KLF12: variants seen among roughly 807,000 people sequenced by gnomAD.
KLF12 encodes the protein KLF transcription factor 12.
Under a neutral mutation model 37.8 loss-of-function variants are expected in KLF12, and 9 were observed. The observed-to-expected ratio is 0.24, with a 90% CI of 0.14 to 0.42. The LOEUF (loss-of-function observed/expected upper bound fraction) is 0.42, where lower values mean the gene tolerates loss of function less well. KLF12 is among the 10% of genes least tolerant of loss of function. The probability of loss-of-function intolerance (pLI) is 1.00; values close to 1 mark genes in which losing one functional copy is unlikely to be tolerated. For missense variants in KLF12, 411 were observed against 516.0 expected (o/e 0.80, Z 1.97); for synonymous variants, 208 against 202.1 (o/e 1.03, Z -0.25).
intron 1 of KLF12, among the ~76,000 whole-genome samples, chr13:74,101,141 C>T (rs545962719): frequency 6.6e-6 from 1 of 152,166 alleles, no homozygotes; most frequent in South Asian, 2.1e-4. Context: ...TCTGTTGCCA[C>T]CTCCCTGCAA....
chr13:74,293,088 T>C, the KLF12 span, among the ~76,000 whole-genome samples: 2 of 152,180 alleles, frequency 1.3e-5, no homozygotes, highest in Non-Finnish European at 2.9e-5. Flanking sequence ...AAGCTGAGAA[T>C]GTATATGAGC....
chr13:74,217,932 A>G, the KLF12 span, among the ~76,000 whole-genome samples: 2 of 152,196 alleles, frequency 1.3e-5, no homozygotes, highest in Non-Finnish European at 2.9e-5. Flanking sequence ...TCTTCCATAT[A>G]TTCAATATAA....
intron 5 of KLF12, among the ~76,000 whole-genome samples, chr13:73,774,323 G>A (rs1448763500): frequency 3.4e-5 from 5 of 148,274 alleles, no homozygotes; most frequent in Non-Finnish European, 1.5e-5. Context: ...TATATATATA[G>A]ATTATACATT....
At chr13:73,991,671 G>C (rs1489733894) in intron 2 of KLF12, among the ~76,000 whole-genome samples, 2 of 152,186 alleles carry the variant, frequency 1.3e-5, no homozygotes, top group Non-Finnish European at 2.9e-5. Context: ...GCAGAGCTAA[G>C]GCCTGCCTCT....
the KLF12 span, among the ~76,000 whole-genome samples, chr13:74,290,994 A>G: frequency 6.6e-6 from 1 of 152,318 alleles, no homozygotes; most frequent in African/African-American, 2.4e-5. Context: ...GCCTAACTGA[A>G]AACAAACTTA....
intron 3 of KLF12, among the ~76,000 whole-genome samples, chr13:73,938,615 C>T (rs1890056051): frequency 6.6e-6 from 1 of 152,306 alleles, no homozygotes; most frequent in Middle Eastern, 3.4e-3. Context: ...ATAAGCTCTG[C>T]TCTTAAGGAA....
chr13:74,052,936 A>C (rs1262581563), intron 1 of KLF12, among the ~76,000 whole-genome samples: 1 of 152,068 alleles, frequency 6.6e-6, no homozygotes, highest in Admixed American at 6.6e-5. Flanking sequence ...TTTCCCTCTA[A>C]AACATCAGTC....
chr13:74,123,973 C>T (rs1877791369), intron 1 of KLF12, among the ~76,000 whole-genome samples: 1 of 152,112 alleles, frequency 6.6e-6, no homozygotes, highest in African/African-American at 2.4e-5. Flanking sequence ...GAAACTAAAT[C>T]CACTCTAAAC....
At chr13:74,056,031 G>C (rs1275360651) in intron 1 of KLF12, among the ~76,000 whole-genome samples, 1 of 152,198 alleles carries the variant, frequency 6.6e-6, no homozygotes, top group Non-Finnish European at 1.5e-5. Context: ...GGGTGTACCT[G>C]AGAACTCAGA....
intron 1 of KLF12, among the ~76,000 whole-genome samples, chr13:74,083,388 T>C (rs1473573271): frequency 1.3e-5 from 2 of 151,796 alleles, no homozygotes; most frequent in African/African-American, 4.8e-5. Flanking sequence ...GTGCCTGTAG[T>C]CCCCGCTACT....
rs934071337 is a variant in KLF12 at position 74,101,403 on chromosome 13, A to G, written c.-32+32336T>C. On this transcript the variant is annotated intron_variant, in intron 1 of 7. Coordinates refer to ENST00000377669, the MANE Select transcript of KLF12 (RefSeq NM_007249.5). Reference sequence around the variant, plus strand: ...TCTTATTCCAGCAGACTCAAGATCAACTCTTCAGAGGGAAAGTTTAAACTT... The same window carrying G: ...TCTTATTCCAGCAGACTCAAGATCAGCTCTTCAGAGGGAAAGTTTAAACTT... Among the ~76,000 whole-genome samples, 14 of 152,092 alleles carry G rather than the reference A, an allele frequency of 9.2e-5. No homozygotes were observed. The East Asian group carries it at 2.3e-3, about 25-fold the overall frequency.
At chr13:74,071,249 C>T (rs552335290) in intron 1 of KLF12, among the ~76,000 whole-genome samples, 10 of 152,094 alleles carry the variant, frequency 6.6e-5, no homozygotes, top group Non-Finnish European at 1.3e-4. Context: ...CTCATCCTGG[C>T]AACAGTACAC....
chr13:73,787,178 C>T (rs1453198133), intron 5 of KLF12, among the ~76,000 whole-genome samples: 2 of 152,144 alleles, frequency 1.3e-5, no homozygotes. Context: ...ACATCTGTAA[C>T]AACTATATAT....
chr13:74,102,519 G>T (rs545175229), intron 1 of KLF12, among the ~76,000 whole-genome samples: 19 of 152,044 alleles, frequency 1.2e-4, no homozygotes, highest in Admixed American at 6.5e-5. Context: ...CCAACCTGGA[G>T]AAACCCTGTC....
the KLF12 span, among the ~76,000 whole-genome samples, chr13:74,215,833 T>C: frequency 6.6e-6 from 1 of 152,238 alleles, no homozygotes; most frequent in Non-Finnish European, 1.5e-5. Flanking sequence ...TGTCCCACTG[T>C]CCTGAGTGTA....
At chr13:74,126,506 C>A (rs1476026599) in intron 1 of KLF12, among the ~76,000 whole-genome samples, 1 of 152,024 alleles carries the variant, frequency 6.6e-6, no homozygotes, top group East Asian at 1.9e-4. Context: ...TGCAGCACTT[C>A]CAATAAAGAT....
chr13:73,940,108 C>A (rs1230187074), intron 3 of KLF12, among the ~76,000 whole-genome samples: 2 of 152,142 alleles, frequency 1.3e-5, no homozygotes, highest in Non-Finnish European at 2.9e-5. Context: ...CTATATACTA[C>A]CTTATCTCTG....
intron 3 of KLF12, among the ~76,000 whole-genome samples, chr13:73,908,244 T>C (rs1489669462): frequency 1.3e-5 from 2 of 151,492 alleles, no homozygotes; most frequent in African/African-American, 4.8e-5. Flanking sequence ...CTACTAAAAA[T>C]ACAAAAATTA....
chr13:73,946,355 C>T (rs1382314577), intron 2 of KLF12, among the ~76,000 whole-genome samples: 1 of 152,168 alleles, frequency 6.6e-6, no homozygotes, highest in Non-Finnish European at 1.5e-5. Flanking sequence ...ATACTTTAAC[C>T]ATTTTCCCCA....
Sources: allele counts gnomAD v4.1 joint callset (sites outside exome capture counted in the v4.1 genomes callset), GRCh38; gene constraint gnomAD v4.1.1; transcripts MANE v1.5; gene names NCBI Gene and HGNC (gene_info 2026-07-23, HGNC 2026-07-21).